Variants in PDE4B observed in about 807,000 individuals in gnomAD.
PDE4B encodes phosphodiesterase 4B, also known as 3',5'-cyclic-AMP phosphodiesterase 4B.
In PDE4B, 20 loss-of-function variants were observed where a neutral mutation model predicts 82.2. The ratio of observed to expected loss-of-function variants is 0.24; its 90% CI spans 0.17 to 0.35. The LOEUF is 0.35. Ranked by LOEUF, PDE4B falls within the 10% of genes least tolerant of loss-of-function variation. The pLI, the probability that PDE4B is intolerant of heterozygous loss-of-function variation, is 1.00. For synonymous variants in PDE4B, 320 were observed against 318.9 expected, an observed-to-expected ratio of 1.00 and a Z score of -0.04; for missense variants, 655 against 907.2, an observed-to-expected ratio of 0.72 and a Z score of 3.57.
intron 3 of PDE4B, among the ~76,000 whole-genome samples, chr1:66,092,395 G>A (rs960590315): frequency 8.6e-5 from 13 of 151,832 alleles, no homozygotes; most frequent in Admixed American, 1.3e-4. Context: ...GAATCTATCC[G>A]TGAGGACTTA....
chr1:65,943,249 C>T (rs2100551598), intron 3 of PDE4B, among the ~76,000 whole-genome samples: 1 of 151,950 alleles, frequency 6.6e-6, no homozygotes, highest in Non-Finnish European at 1.5e-5. Context: ...GTTTTGCCAA[C>T]ATCGTTTATT....
intron 3 of PDE4B, among the ~76,000 whole-genome samples, chr1:65,982,486 T>A (rs1265439029): frequency 6.6e-6 from 1 of 152,100 alleles, no homozygotes; most frequent in African/African-American, 2.4e-5. Context: ...GGAGAGAGCA[T>A]CAAAAGTGTG....
At chr1:66,325,128 CGAAGAATG>C (rs745809735) in intron 7 of PDE4B, among the ~76,000 whole-genome samples, 23 of 152,008 alleles carry the variant, frequency 1.5e-4, no homozygotes, top group Non-Finnish European at 2.8e-4. Context: ...GGGAAGGAAC[CGAAGAATG>C]GAGTAAGTAT....
chr1:66,332,423 G>T, intron 7 of PDE4B, 85 bp from the exon 8 acceptor site: 1 of 1,614,170 alleles, frequency 6.2e-7, no homozygotes, highest in Non-Finnish European at 8.5e-7. Context: ...CAGTAGCACC[G>T]GAATCAGCGG....
intron 3 of PDE4B, among the ~76,000 whole-genome samples, chr1:65,964,104 C>G (rs555701034): frequency 6.6e-6 from 1 of 152,168 alleles, no homozygotes; most frequent in South Asian, 2.1e-4. Context: ...TGATATAACA[C>G]TTACACTGAG....
At chr1:66,264,546 G>A (rs1384425656) in intron 6 of PDE4B, among the ~76,000 whole-genome samples, 1 of 152,116 alleles carries the variant, frequency 6.6e-6, no homozygotes, top group Non-Finnish European at 1.5e-5. Flanking sequence ...ATCACTATAT[G>A]ATAATTTCCC....
At chr1:66,363,726 A>T (rs999143973) in intron 12 of PDE4B, among the ~76,000 whole-genome samples, 155 bp downstream of exon 12, 1 of 152,150 alleles carries the variant, frequency 6.6e-6, no homozygotes, top group Non-Finnish European at 1.5e-5. Context: ...ACAGTGAGCT[A>T]TGATTGCTCC....
chr1:66,267,798 G>C (rs1037133245), intron 7 of PDE4B, among the ~76,000 whole-genome samples: 1 of 152,164 alleles, frequency 6.6e-6, no homozygotes, highest in African/African-American at 2.4e-5. Flanking sequence ...TTAACGTTTA[G>C]CCACGGTTAG....
intron 3 of PDE4B, among the ~76,000 whole-genome samples, chr1:66,045,245 T>A (rs528085399): frequency 6.6e-6 from 1 of 151,896 alleles, no homozygotes; most frequent in South Asian, 2.1e-4. Flanking sequence ...TTATTATTAT[T>A]TTTTTCAATT....
At chr1:66,010,187 C>T (rs1310019212) in intron 3 of PDE4B, among the ~76,000 whole-genome samples, 3 of 151,456 alleles carry the variant, frequency 2.0e-5, no homozygotes, top group Admixed American at 1.3e-4. Flanking sequence ...CACTGAGGCC[C>T]CATGTTGAAT....
rs1303884334 is a variant in PDE4B at position 65,907,427 on chromosome 1, T to G, written c.-70-5818T>G. On this transcript the variant is annotated intron_variant, in intron 1 of 16. Transcript: ENST00000341517. ...TACGGATGATTATACTCCAATCCCT[T>G]TATTTGACAATTGAGGAAACCGAAG... Among the ~76,000 whole-genome samples the G allele has an allele frequency of 2.6e-5, 4 of 152,182 alleles. No individual in the cohort carries two copies. The South Asian group carries it at 8.3e-4, about 32-fold the overall frequency.
intron 9 of PDE4B, among the ~76,000 whole-genome samples, chr1:66,359,157 A>G (rs1662553295): frequency 6.6e-6 from 1 of 152,252 alleles, no homozygotes; most frequent in Non-Finnish European, 1.5e-5. Context: ...TAAATCCTCT[A>G]CTTACCCTCT....
At chr1:66,086,465 C>T (rs187692062) in intron 3 of PDE4B, among the ~76,000 whole-genome samples, 1 of 152,222 alleles carries the variant, frequency 6.6e-6, no homozygotes. Flanking sequence ...GCTTTCACAA[C>T]TATTCTTTAC....
intron 3 of PDE4B, among the ~76,000 whole-genome samples, chr1:65,983,693 G>A (rs1199997781): frequency 6.6e-6 from 1 of 152,160 alleles, no homozygotes; most frequent in African/African-American, 2.4e-5. Context: ...CCTCAGAGGA[G>A]CCGATTCTGC....
intron 8 of PDE4B, among the ~76,000 whole-genome samples, chr1:66,337,323 T>C (rs1027940901): frequency 5.3e-5 from 8 of 152,152 alleles, no homozygotes; most frequent in Non-Finnish European, 1.0e-4. Flanking sequence ...GCAGCTTTGC[T>C]CCCCTCTCTA....
chr1:66,045,526 T>A (rs1382164595), intron 3 of PDE4B, among the ~76,000 whole-genome samples: 1 of 151,822 alleles, frequency 6.6e-6, no homozygotes, highest in Non-Finnish European at 1.5e-5. Flanking sequence ...TCCTGGCTTG[T>A]ACTTCCTAAT....
chr1:66,368,989 C>T lies in PDE4B; in HGVS notation c.1845+20C>T. On this transcript the variant is annotated intron_variant, in intron 16 of 16. Transcript: ENST00000341517. ...TCCCAGGTATCTAATATGAGATTTT[C>T]AAAGTTTTTGTGAGCTCTGCTGATT... 5 of 1,581,690 alleles carry T rather than the reference C, an allele frequency of 3.2e-6. No homozygotes were observed. The highest frequency in any genetic ancestry group is 4.3e-6 in the Non-Finnish European group (5 of 1,161,148).
intron 1 of PDE4B, among the ~76,000 whole-genome samples, chr1:65,858,265 C>T (rs184484657): frequency 3.5e-4 from 54 of 152,246 alleles, no homozygotes; most frequent in Admixed American, 1.6e-3. Flanking sequence ...ATATAATCAG[C>T]GTTTATTCCC....
At chr1:66,117,429 C>G (rs901612817) in intron 3 of PDE4B, among the ~76,000 whole-genome samples, 5 of 152,048 alleles carry the variant, frequency 3.3e-5, no homozygotes, top group African/African-American at 9.7e-5. Context: ...GTCCAGAAGA[C>G]CTTCACAAGC....
Sources: gnomAD v4.1 joint callset for allele counts (sites outside exome capture counted in the v4.1 genomes callset) on GRCh38, gnomAD v4.1.1 for gene constraint, MANE v1.5 for transcripts, NCBI Gene and HGNC (gene_info 2026-07-23, HGNC 2026-07-21) for gene names.